The following SGMS1 variants were observed in gnomAD, a reference collection of about 807,000 sequenced individuals.
SGMS1 encodes the protein phosphatidylcholine:ceramide cholinephosphotransferase 1.
Under a neutral mutation model 46.2 loss-of-function variants are expected in SGMS1, and 13 were observed. That is an observed-to-expected ratio of 0.28 (90% confidence interval 0.18 to 0.45). The LOEUF (loss-of-function observed/expected upper bound fraction) is 0.45. Among genes scored for constraint, SGMS1 ranks in the 20% least tolerant of loss-of-function variants. SGMS1 has a pLI of 1.00. For synonymous variants in SGMS1, 203 were observed against 187.8 expected (o/e 1.08, Z -0.66); for missense variants, 324 against 519.9 (o/e 0.62, Z 3.66).
At chr10:50,519,207 A>G (rs904291798) in intron 3 of SGMS1, among the ~76,000 whole-genome samples, 1 of 152,220 alleles carries the variant, frequency 6.6e-6, no homozygotes, top group Non-Finnish European at 1.5e-5. Flanking sequence ...TAATCAACAT[A>G]TACACAGACA....
At chr10:50,406,368 A>T (rs1380855980) in intron 6 of SGMS1, among the ~76,000 whole-genome samples, 1 of 152,208 alleles carries the variant, frequency 6.6e-6, no homozygotes, top group Non-Finnish European at 1.5e-5. Flanking sequence ...AGTTTTTAGC[A>T]GAGTGCCTCC....
intron 4 of SGMS1, among the ~76,000 whole-genome samples, chr10:50,461,772 A>G (rs1381298360): frequency 1.3e-5 from 2 of 152,192 alleles, no homozygotes; most frequent in East Asian, 3.9e-4. Context: ...CTATAAAGAA[A>G]CAATTCTTAT....
rs148963855 is a variant in SGMS1, at chr10:50,509,014, A to T, written c.-498+10817T>A. Among the ~76,000 whole-genome samples the T allele has an allele frequency of 2.2e-3, 342 of 152,302 alleles. 4 individuals carry two copies. The highest frequency in any genetic ancestry group is 7.9e-3 in the African/African-American group (327 of 41,566). On this transcript the variant is annotated intron_variant, in intron 3 of 10. Transcript: ENST00000361781. ...CAGATGTGGCATCTAGTTAATGATT[A>T]TTGGTAAGTGCTTGCTCAACTGAGT...
At chr10:50,327,138 A>T in intron 8 of SGMS1, 67 bp downstream of exon 8, 1 of 914,978 alleles carries the variant, frequency 1.1e-6, no homozygotes, top group Non-Finnish European at 1.8e-6. Flanking sequence ...CTGCAACCTC[A>T]CTCAAAGGAC....
chr10:50,445,619 C>A (rs983388513), intron 5 of SGMS1, among the ~76,000 whole-genome samples: 2 of 152,194 alleles, frequency 1.3e-5, no homozygotes, highest in African/African-American at 4.8e-5. Flanking sequence ...ATTTCCTACG[C>A]CTGTCTTTAC....
chr10:50,597,062 G>A (rs754252156), intron 1 of SGMS1, among the ~76,000 whole-genome samples: 1 of 152,128 alleles, frequency 6.6e-6, no homozygotes, highest in African/African-American at 2.4e-5. Flanking sequence ...AAAGTCCCTG[G>A]CTCAGTGCTT....
intron 6 of SGMS1, among the ~76,000 whole-genome samples, chr10:50,383,077 C>T (rs749877922): frequency 6.6e-6 from 1 of 152,066 alleles, no homozygotes; most frequent in African/African-American, 2.4e-5. Context: ...ATACTGAAGT[C>T]TTTTAATTGA....
At chr10:50,362,048 C>T (rs1373799504) in intron 6 of SGMS1, among the ~76,000 whole-genome samples, 2 of 152,142 alleles carry the variant, frequency 1.3e-5, no homozygotes, top group African/African-American at 4.8e-5. Context: ...GCTTTGGAAT[C>T]TCTAGAGCCT....
At chr10:50,553,399 G>A (rs1838164701) in intron 2 of SGMS1, among the ~76,000 whole-genome samples, 1 of 151,974 alleles carries the variant, frequency 6.6e-6, no homozygotes, top group Non-Finnish European at 1.5e-5. Context: ...GGTTTAATGA[G>A]ACCATGCACA....
chr10:50,420,111 C>T (rs947237529), intron 6 of SGMS1, among the ~76,000 whole-genome samples: 1 of 152,174 alleles, frequency 6.6e-6, no homozygotes, highest in African/African-American at 2.4e-5. Context: ...CGGCCTATAG[C>T]CTCACATTTA....
chr10:50,394,413 G>A (rs886728361), intron 6 of SGMS1, among the ~76,000 whole-genome samples: 2 of 152,188 alleles, frequency 1.3e-5, no homozygotes, highest in Admixed American at 6.5e-5. Flanking sequence ...CTACAGATGC[G>A]TTCTGAACCA....
intron 2 of SGMS1, among the ~76,000 whole-genome samples, chr10:50,558,651 TAC>T (rs1415837602): frequency 6.6e-6 from 1 of 152,168 alleles, no homozygotes; most frequent in African/African-American, 2.4e-5. Flanking sequence ...GGTCCACTTA[TAC>T]ACAGATTTTC....
chr10:50,440,495 T>G (rs1167971804), intron 5 of SGMS1, among the ~76,000 whole-genome samples: 38 of 152,168 alleles, frequency 2.5e-4, no homozygotes, highest in Admixed American at 2.4e-3. Context: ...CTCCATGATT[T>G]AAATGCATCT....
rs886575595 is a variant in SGMS1, at chr10:50,356,536, C to T, written c.-231-12191G>A. Among the ~76,000 whole-genome samples, 8 of 151,338 alleles carry T rather than the reference C, an allele frequency of 5.3e-5. No individual in the cohort carries two copies. In the East Asian group the frequency reaches 1.2e-3, roughly 22 times the overall value. ...TATGACCCTGCCAAATCCCCCTCTC[C>T]GAGAAACACCCAAGAATGATCAATA... On this transcript the variant is annotated intron_variant, in intron 6 of 10. Coordinates refer to ENST00000361781, the MANE Select transcript of SGMS1 (RefSeq NM_147156.4).
chr10:50,611,118 T>G (rs1838745551), intron 1 of SGMS1, among the ~76,000 whole-genome samples: 1 of 152,162 alleles, frequency 6.6e-6, no homozygotes, highest in African/African-American at 2.4e-5. Flanking sequence ...GCCAGAAAAC[T>G]GGGTACAGAT....
intron 3 of SGMS1, among the ~76,000 whole-genome samples, chr10:50,509,153 C>T (rs1414696831): frequency 6.6e-6 from 1 of 152,176 alleles, no homozygotes; most frequent in Non-Finnish European, 1.5e-5. Flanking sequence ...GTTGAGATAT[C>T]TGTCCCAAAA....
Position 50,421,921 on chromosome 10 carries a change from G to T in SGMS1, c.-232+11555C>A, listed in dbSNP as rs536403450. Among the ~76,000 whole-genome samples, 7 of 152,238 alleles carry T rather than the reference G, an allele frequency of 4.6e-5. No homozygotes were observed. In the East Asian group the frequency reaches 1.4e-3, roughly 29 times the overall value. On this transcript the variant is annotated intron_variant, in intron 6 of 10. Transcript: ENST00000361781. ...AGCTGCTGGGTGGTTACCAGCTAAG[G>T]TGACAGAGTTTCATTCAAAGCACTA...
At chr10:50,360,711 G>A (rs1848232482) in intron 6 of SGMS1, among the ~76,000 whole-genome samples, 1 of 152,180 alleles carries the variant, frequency 6.6e-6, no homozygotes, top group Non-Finnish European at 1.5e-5. Context: ...GATGCACACA[G>A]TACTGATCTC....
rs1263744368 is a variant in SGMS1 at position 50,495,169 on chromosome 10, C to T, written c.-498+24662G>A. ...AGGAGAATGGCGTGAACCCAGGAGG[C>T]GGGACTTGCAGTGAGCTGAGATCGC... On this transcript the variant is annotated intron_variant, in intron 3 of 10. Transcript: ENST00000361781. Among the ~76,000 whole-genome samples, 10 of 132,408 alleles carry T rather than the reference C, an allele frequency of 7.6e-5. No individual in the cohort carries two copies. In the South Asian group the frequency reaches 1.9e-3, roughly 26 times the overall value. The allele number at this position is 132,408 out of a possible 152,430, so 86.9% of individuals were successfully genotyped here.
Sources: allele counts gnomAD v4.1 joint callset (sites outside exome capture counted in the v4.1 genomes callset), GRCh38; gene constraint gnomAD v4.1.1; transcripts MANE v1.5; gene names NCBI Gene and HGNC (gene_info 2026-07-23, HGNC 2026-07-21).